KYNU: variants seen among roughly 807,000 people sequenced by gnomAD.
KYNU encodes L-kynurenine hydrolase.
KYNU carries 54 observed loss-of-function variants against 59.2 expected under a neutral mutation model. That is an observed-to-expected ratio of 0.91 (90% CI 0.73 to 1.14). The LOEUF is 1.14. Ranked by LOEUF, KYNU falls within the 50% of genes most tolerant of loss-of-function variation. The probability of loss-of-function intolerance (pLI) is 0.00; values close to 1 mark genes in which losing one functional copy is unlikely to be tolerated. For missense variants in KYNU, 567 were observed against 554.4 expected (o/e 1.02, Z -0.23); for synonymous variants, 177 against 192.0 (o/e 0.92, Z 0.65).
At chr2:142,920,432 G>A (rs773175295) in intron 3 of KYNU, among the ~76,000 whole-genome samples, 10 of 152,176 alleles carry the variant, frequency 6.6e-5, no homozygotes, top group Non-Finnish European at 1.5e-4. Context: ...CATTCAGCAA[G>A]GTTGTGAATT....
chr2:143,014,954 C>T (rs939558150), intron 10 of KYNU, among the ~76,000 whole-genome samples: 6 of 152,094 alleles, frequency 3.9e-5, no homozygotes, highest in South Asian at 2.1e-4. Context: ...AGTGCAGTGG[C>T]GTGATCATAG....
chr2:142,920,998 T>C (rs1412396828), intron 3 of KYNU, among the ~76,000 whole-genome samples: 1 of 152,224 alleles, frequency 6.6e-6, no homozygotes. Flanking sequence ...AGGAAACTTT[T>C]TCTCTACCAA....
chr2:143,032,978 C>A (rs1470752690), intron 11 of KYNU, among the ~76,000 whole-genome samples: 1 of 152,196 alleles, frequency 6.6e-6, no homozygotes, highest in African/African-American at 2.4e-5. Context: ...GAAAAACTTC[C>A]AGAAGAGGTC....
At chr2:142,977,656 A>G (rs150286583) in intron 8 of KYNU, among the ~76,000 whole-genome samples, 1 of 152,254 alleles carries the variant, frequency 6.6e-6, no homozygotes, top group East Asian at 1.9e-4. Flanking sequence ...ATACTGATAT[A>G]AATAAATGAA....
Position 142,976,927 on chromosome 2 carries a change from A to G in KYNU, c.730-8157A>G, listed in dbSNP as rs536770313. ...TTCCAGGTCATAGGTAGATTTGAAAATATTTTTGGTAACTGGTTGAAAGAG... is the reference window on the plus strand; with the variant it reads ...TTCCAGGTCATAGGTAGATTTGAAAGTATTTTTGGTAACTGGTTGAAAGAG... On this transcript the variant is annotated intron_variant, in intron 8 of 13. Transcript: ENST00000264170. 4.0e-3 allele frequency among the ~76,000 whole-genome samples: 613 copies of G among 152,254 alleles called. 4 individuals carry two copies. Among genetic ancestry groups the G allele is most frequent in the African/African-American group, 0.014 (583 of 41,558 alleles).
chr2:143,026,831 G>T (rs903148023), intron 10 of KYNU, among the ~76,000 whole-genome samples: 3 of 152,234 alleles, frequency 2.0e-5, no homozygotes, highest in Non-Finnish European at 4.4e-5. Flanking sequence ...CCACCAGCCA[G>T]GGTGAAGAGC....
rs993527037 is a variant in KYNU, at chr2:143,050,198, A to C, written c.*8026A>C. ...TATTTTTTAAAAATTTCTTCTAAAG[A>C]AAACCAGGATACATGTGCAGAACCT... On this transcript the variant is annotated 3_prime_UTR_variant, in exon 14 of 14. Transcript: ENST00000264170. 1 of 151,854 alleles carries C rather than the reference A, an allele frequency of 6.6e-6. No homozygotes were observed. Among genetic ancestry groups the C allele is most frequent in the Non-Finnish European group, 1.5e-5 (1 of 67,956 alleles). The allele number at this position is 151,854 out of a possible 1,614,324, so 9.4% of individuals were successfully genotyped here.
intron 10 of KYNU, among the ~76,000 whole-genome samples, chr2:143,006,485 G>T (rs1262001105): frequency 7.7e-6 from 1 of 129,806 alleles, no homozygotes; most frequent in Non-Finnish European, 1.6e-5. Context: ...GGGGAGGGGC[G>T]CCCGCCATTG....
intron 4 of KYNU, among the ~76,000 whole-genome samples, chr2:142,928,963 G>A (rs13387302): frequency 0.028 from 3,821 of 138,302 alleles, 105 homozygotes; most frequent in African/African-American, 0.07. Context: ...AGCCCAAATC[G>A]TGCCACTGTT....
intron 10 of KYNU, among the ~76,000 whole-genome samples, chr2:142,994,970 A>G (rs1281121160): frequency 6.6e-6 from 1 of 152,102 alleles, no homozygotes; most frequent in Non-Finnish European, 1.5e-5. Flanking sequence ...AGCTACAGAC[A>G]ACTTTAAAAT....
At chr2:142,894,541 T>C (rs375578235) in intron 2 of KYNU, among the ~76,000 whole-genome samples, 1 of 152,150 alleles carries the variant, frequency 6.6e-6, no homozygotes, top group East Asian at 1.9e-4. Context: ...TCAAGAAACA[T>C]AACATTGCCA....
intron 10 of KYNU, among the ~76,000 whole-genome samples, chr2:142,997,147 T>C (rs932178708): frequency 1.3e-5 from 2 of 152,200 alleles, no homozygotes; most frequent in African/African-American, 4.8e-5. Context: ...ACTATGTATA[T>C]ATTTCTTAAA....
intron 10 of KYNU, among the ~76,000 whole-genome samples, chr2:143,012,340 G>A (rs547901119): frequency 1.3e-5 from 2 of 151,992 alleles, no homozygotes; most frequent in East Asian, 3.9e-4. Context: ...AAAGTTAGCT[G>A]GGCCTAGTGG....
chr2:142,878,493 A>T (rs1681179061), intron 1 of KYNU, among the ~76,000 whole-genome samples: 1 of 152,086 alleles, frequency 6.6e-6, no homozygotes, highest in African/African-American at 2.4e-5. Context: ...CTAATGAAAA[A>T]CTACACGCTT....
At chr2:143,024,619 CATTT>C (rs1686500512) in intron 10 of KYNU, among the ~76,000 whole-genome samples, 1 of 151,974 alleles carries the variant, frequency 6.6e-6, no homozygotes, top group African/African-American at 2.4e-5. Flanking sequence ...GCCAATCTGA[CATTT>C]CTTTCTTTAT....
intron 4 of KYNU, among the ~76,000 whole-genome samples, chr2:142,940,118 G>C (rs1683547029): frequency 6.6e-6 from 1 of 151,854 alleles, no homozygotes; most frequent in Admixed American, 6.5e-5. Flanking sequence ...CGAAATATTT[G>C]TGTAATAAAT....
intron 4 of KYNU, among the ~76,000 whole-genome samples, chr2:142,943,802 G>A (rs1456006499): frequency 6.6e-6 from 1 of 152,112 alleles, no homozygotes; most frequent in Non-Finnish European, 1.5e-5. Context: ...ACCTCTAAAG[G>A]CTGCTGAAAT....
rs1474196959 is a variant in KYNU, at chr2:142,904,420, A to G, written c.170-14189A>G. Among the ~76,000 whole-genome samples the G allele has an allele frequency of 2.6e-5, 4 of 152,118 alleles. No individual in the cohort carries two copies. The East Asian group carries it at 7.7e-4, about 29-fold the overall frequency. On this transcript the variant is annotated intron_variant, in intron 2 of 13. Transcript: ENST00000264170. ...GTTCTTTTTCCTCTGTTGTCATCCT[A>G]TCATTGACCTGACTGAGATACCAGA...
intron 10 of KYNU, among the ~76,000 whole-genome samples, chr2:142,991,858 A>G (rs1254920581): frequency 6.6e-6 from 1 of 151,794 alleles, no homozygotes; most frequent in Non-Finnish European, 1.5e-5. Context: ...CCTTATTTTC[A>G]TCTGATTGCA....
Sources: allele counts gnomAD v4.1 joint callset (sites outside exome capture counted in the v4.1 genomes callset), GRCh38; gene constraint gnomAD v4.1.1; transcripts MANE v1.5; gene names NCBI Gene and HGNC (gene_info 2026-07-23, HGNC 2026-07-21).